The following RBKS variants were observed in gnomAD, a reference collection of about 807,000 sequenced individuals.
RBKS encodes the protein ribokinase.
Under a neutral mutation model 33.9 loss-of-function variants are expected in RBKS, and 33 were observed. That is an observed-to-expected ratio of 0.97 (90% CI 0.74 to 1.30). The LOEUF (loss-of-function observed/expected upper bound fraction) is 1.30, where lower values mean the gene tolerates loss of function less well. Ranked by LOEUF, RBKS falls within the 50% of genes most tolerant of loss-of-function variation. RBKS has a pLI of 0.00. For synonymous variants in RBKS, 125 were observed against 143.0 expected (o/e 0.87, Z 0.90); for missense variants, 361 against 392.6 (o/e 0.92, Z 0.68).
chr2:27,853,582 G>A (rs563408351), intron 2 of RBKS, among the ~76,000 whole-genome samples: 18 of 151,926 alleles, frequency 1.2e-4, no homozygotes, highest in South Asian at 2.1e-4. Context: ...ACCTGAGCCC[G>A]GGGAGGTTGA....
At chr2:27,865,113 G>C (rs1252745656) in intron 1 of RBKS, among the ~76,000 whole-genome samples, 1 of 152,178 alleles carries the variant, frequency 6.6e-6, no homozygotes, top group Non-Finnish European at 1.5e-5. Context: ...GAGGTCAGGA[G>C]ATCAAGACCA....
intron 1 of RBKS, among the ~76,000 whole-genome samples, chr2:27,867,839 G>A (rs1157275646): frequency 2.6e-5 from 4 of 152,124 alleles, no homozygotes; most frequent in African/African-American, 9.7e-5. Flanking sequence ...GGATGGCAAA[G>A]GTATGTGTAC....
intron 1 of RBKS, among the ~76,000 whole-genome samples, chr2:27,876,897 A>C (rs1664325585): frequency 6.6e-6 from 1 of 152,164 alleles, no homozygotes; most frequent in Non-Finnish European, 1.5e-5. Context: ...GATAATTGCA[A>C]TATTAGCTTT....
chr2:27,862,583 C>T (rs1422556323), intron 1 of RBKS, among the ~76,000 whole-genome samples: 3 of 152,174 alleles, frequency 2.0e-5, no homozygotes, highest in Admixed American at 6.5e-5. Flanking sequence ...GCTTCTGTCT[C>T]TTCAGACTGT....
chr2:27,813,305 A>C (rs1160494844), intron 7 of RBKS, among the ~76,000 whole-genome samples: 1 of 152,242 alleles, frequency 6.6e-6, no homozygotes, highest in Non-Finnish European at 1.5e-5. Flanking sequence ...ACATGAAATT[A>C]GTCCTCAGCA....
intron 1 of RBKS, among the ~76,000 whole-genome samples, chr2:27,880,243 C>A (rs939583111): frequency 6.6e-6 from 1 of 152,166 alleles, no homozygotes; most frequent in Non-Finnish European, 1.5e-5. Flanking sequence ...TAAAAACTCT[C>A]AATAAACTAG....
chr2:27,875,902 T>C (rs919803066), intron 1 of RBKS, among the ~76,000 whole-genome samples: 6 of 151,740 alleles, frequency 4.0e-5, no homozygotes, highest in African/African-American at 1.2e-4. Context: ...GGATGCAAAA[T>C]TGCATAAGAG....
At position 27,832,679 on chromosome 2, in the gene RBKS, C is replaced by T; in HGVS notation, c.606+7G>A. ...CTCATAGAATGAGCAAAGCAATTCA[C>T]CCTTACCTCACTTTCATTGCAGCAG... On this transcript the variant is annotated splice_region_variant and intron_variant, in intron 6 of 7. Coordinates refer to ENST00000302188, the MANE Select transcript of RBKS (RefSeq NM_022128.3). The T allele has an allele frequency of 6.3e-7, 1 of 1,597,700 alleles. No homozygotes were observed. Among genetic ancestry groups the T allele is most frequent in the Non-Finnish European group, 8.6e-7 (1 of 1,165,204 alleles).
At chr2:27,849,961 G>A (rs1210512885) in intron 2 of RBKS, among the ~76,000 whole-genome samples, 1 of 152,140 alleles carries the variant, frequency 6.6e-6, no homozygotes. Context: ...CCGTGGTGCT[G>A]CAATCACTGT....
intron 7 of RBKS, among the ~76,000 whole-genome samples, chr2:27,812,301 C>T (rs1462249684): frequency 2.0e-5 from 3 of 152,048 alleles, no homozygotes; most frequent in South Asian, 2.1e-4. Flanking sequence ...GACAGTGTGG[C>T]GATTCCTCAA....
chr2:27,874,522 C>T (rs1307841758), intron 1 of RBKS, among the ~76,000 whole-genome samples: 1 of 152,190 alleles, frequency 6.6e-6, no homozygotes, highest in Admixed American at 6.5e-5. Context: ...AGAGTGAAGA[C>T]TCTGTATTAC....
intron 7 of RBKS, among the ~76,000 whole-genome samples, chr2:27,819,770 T>C (rs1432903540): frequency 6.6e-6 from 1 of 152,246 alleles, no homozygotes; most frequent in Admixed American, 6.5e-5. Flanking sequence ...TGCTGTACAT[T>C]TGAATGACGA....
rs529476549 is a variant in RBKS at position 27,872,792 on chromosome 2, C to T, written c.90-14221G>A. 3.3e-5 allele frequency among the ~76,000 whole-genome samples: 5 copies of T among 152,258 alleles called. No individual in the cohort carries two copies. In the South Asian group the frequency reaches 1.0e-3, roughly 32 times the overall value. On this transcript the variant is annotated intron_variant, in intron 1 of 7. Coordinates refer to ENST00000302188, the MANE Select transcript of RBKS (RefSeq NM_022128.3). Reference sequence around the variant, plus strand: ...GCAAAACGTCAAGCAGACAGAAAGTCAGCCTAGCTTAATGAATGTATATGA... The same window carrying T: ...GCAAAACGTCAAGCAGACAGAAAGTTAGCCTAGCTTAATGAATGTATATGA...
At chr2:27,889,487 A>T (rs1278323381) in intron 1 of RBKS, among the ~76,000 whole-genome samples, 1 of 152,248 alleles carries the variant, frequency 6.6e-6, no homozygotes, top group East Asian at 1.9e-4. Context: ...CTAATTTTAC[A>T]GTGAACATAC....
At chr2:27,835,720 C>T (rs995067596) in intron 5 of RBKS, among the ~76,000 whole-genome samples, 62 of 151,710 alleles carry the variant, frequency 4.1e-4, no homozygotes, top group African/African-American at 1.3e-3. Context: ...CCACCGTGCC[C>T]GGCCTACCTC....
chr2:27,801,939 G>A (rs1488081179), intron 7 of RBKS, among the ~76,000 whole-genome samples: 1 of 103,956 alleles, frequency 9.6e-6, no homozygotes. Context: ...TCAGTTTCCC[G>A]AGTAGCTGGG....
intron 7 of RBKS, among the ~76,000 whole-genome samples, chr2:27,794,624 CTT>C (rs199640528): frequency 2.2e-5 from 3 of 139,186 alleles, no homozygotes; most frequent in Non-Finnish European, 3.1e-5. Context: ...GTTTTTTTTT[CTT>C]TTTTTTTTTT....
intron 1 of RBKS, among the ~76,000 whole-genome samples, chr2:27,873,006 A>G (rs566130577): frequency 2.6e-5 from 4 of 152,290 alleles, no homozygotes; most frequent in African/African-American, 9.6e-5. Flanking sequence ...GAGTGAGGGT[A>G]TGGAACACAC....
Position 27,890,266 on chromosome 2 carries a change from T to A in RBKS, c.80A>T (p.Asp27Val). ...AVVVVGSCMT[D>V]LVSLTSRLPK... Reference sequence around the variant, plus strand: ...CTGGCCCCGGACTAACCTGACCAGGTCGGTCATGCAGGAGCCCACCACTAC... The same window carrying A: ...CTGGCCCCGGACTAACCTGACCAGGACGGTCATGCAGGAGCCCACCACTAC... Residue 27 changes from aspartate to valine, a missense_variant, in exon 1 of 8, where the codon GAC becomes GTC. Asp to Val is a radical substitution (Grantham distance 152, BLOSUM62 -3). Coordinates refer to ENST00000302188, the MANE Select transcript of RBKS (RefSeq NM_022128.3). This position sits in a 1 kb window ranked among gnomAD's most constrained non-coding sequence, Gnocchi z 4.8. 6.2e-7 allele frequency: 1 copy of A among 1,613,502 alleles called. No individual in the cohort carries two copies. Among genetic ancestry groups the A allele is most frequent in the Non-Finnish European group, 8.5e-7 (1 of 1,179,940 alleles).
Sources: allele counts gnomAD v4.1 joint callset (sites outside exome capture counted in the v4.1 genomes callset), GRCh38; gene constraint gnomAD v4.1.1; non-coding constraint Gnocchi (gnomAD v3.1); transcripts MANE v1.5; gene names NCBI Gene and HGNC (gene_info 2026-07-23, HGNC 2026-07-21).